The following GMDS variants were observed in gnomAD, a reference collection of about 807,000 sequenced individuals.
GMDS encodes GDP-mannose 4,6 dehydratase.
Under a neutral mutation model 49.9 loss-of-function variants are expected in GMDS, and 20 were observed. The ratio of observed to expected loss-of-function variants is 0.40; its 90% CI spans 0.28 to 0.58. GMDS has a LOEUF of 0.58. GMDS is among the 20% of genes least tolerant of loss of function. The pLI is 0.42. For missense variants in GMDS, 362 were observed against 481.4 expected, an observed-to-expected ratio of 0.75 and a Z score of 2.32; for synonymous variants, 177 against 178.6, an observed-to-expected ratio of 0.99 and a Z score of 0.07.
At chr6:1,819,443 GAT>G (rs1009545205) in intron 7 of GMDS, among the ~76,000 whole-genome samples, 40 of 152,120 alleles carry the variant, frequency 2.6e-4, no homozygotes, top group Admixed American at 1.3e-3. Context: ...CTCTTTGAAA[GAT>G]ATTTCTTTAT....
Position 1,836,583 on chromosome 6 carries a change from C to T in GMDS, c.771+93520G>A, listed in dbSNP as rs1756939232. Among the ~76,000 whole-genome samples the T allele has an allele frequency of 6.6e-6, 1 of 152,174 alleles. No individual in the cohort carries two copies. On this transcript the variant is annotated intron_variant, in intron 7 of 10. Coordinates refer to ENST00000380815, the MANE Select transcript of GMDS (RefSeq NM_001500.4). This position sits in a 1 kb window ranked among gnomAD's most constrained non-coding sequence, Gnocchi z 4.2. ...CCTTTCATTAGTATAATGACATCTA[C>T]TAACTACATCAGTTTGCAGAAAAAT...
intron 7 of GMDS, among the ~76,000 whole-genome samples, chr6:1,913,148 G>A (rs564729947): frequency 7.9e-5 from 12 of 152,056 alleles, no homozygotes; most frequent in African/African-American, 2.2e-4. Context: ...TTGGGAGGCC[G>A]AGGCGGGCGG....
chr6:2,098,967 G>A (rs73716941), intron 4 of GMDS, among the ~76,000 whole-genome samples: 14,915 of 152,002 alleles, frequency 0.098, 1,839 homozygotes, highest in African/African-American at 0.29. Context: ...AACAAAAAAG[G>A]ACGCTTTGAA....
At chr6:1,986,259 T>G (rs1295543573) in intron 4 of GMDS, among the ~76,000 whole-genome samples, 1 of 152,192 alleles carries the variant, frequency 6.6e-6, no homozygotes, top group Non-Finnish European at 1.5e-5. Context: ...CTACCTCAAA[T>G]TACTCTTGCT....
chr6:1,980,432 T>TA (rs66838040), intron 4 of GMDS, among the ~76,000 whole-genome samples: 24 of 146,916 alleles, frequency 1.6e-4, no homozygotes, highest in Non-Finnish European at 2.2e-4. Context: ...CAACAAAGAT[T>TA]AAAAAAAAAA....
chr6:2,218,762 G>T (rs2127588109), intron 1 of GMDS, among the ~76,000 whole-genome samples: 1 of 152,196 alleles, frequency 6.6e-6, no homozygotes, highest in East Asian at 1.9e-4. Flanking sequence ...TTTATTGAGA[G>T]CTATGTTACG....
intron 4 of GMDS, among the ~76,000 whole-genome samples, chr6:2,091,002 G>A (rs767706145): frequency 2.0e-5 from 3 of 152,156 alleles, no homozygotes; most frequent in Admixed American, 6.5e-5. Context: ...GGACTGCCTC[G>A]TGGGGGGAGT....
intron 7 of GMDS, among the ~76,000 whole-genome samples, chr6:1,923,355 C>T (rs7755133): frequency 0.014 from 2,182 of 152,234 alleles, 47 homozygotes; most frequent in African/African-American, 0.049. Context: ...CTCCACGTGA[C>T]GAGGCAAAGG....
intron 4 of GMDS, among the ~76,000 whole-genome samples, chr6:2,106,368 T>G (rs2127491264): frequency 6.6e-6 from 1 of 152,334 alleles, no homozygotes; most frequent in Non-Finnish European, 1.5e-5. Flanking sequence ...AAGGCAAATT[T>G]TATAAACTCC....
chr6:1,681,462 T>C (rs1436265856), intron 9 of GMDS, among the ~76,000 whole-genome samples: 1 of 152,200 alleles, frequency 6.6e-6, no homozygotes, highest in Non-Finnish European at 1.5e-5. Context: ...TAAGAAATTA[T>C]GAAAGCTCTG....
chr6:1,853,342 C>T (rs1023705322), intron 7 of GMDS, among the ~76,000 whole-genome samples: 4 of 150,566 alleles, frequency 2.7e-5, no homozygotes, highest in South Asian at 2.1e-4. Flanking sequence ...AACGGTGAAA[C>T]CCCGTCTCTA....
At position 1,635,818 on chromosome 6, in the gene GMDS, A is replaced by G. The variant is rs1763127384; in HGVS notation, c.988-11278T>C. On this transcript the variant is annotated intron_variant, in intron 9 of 10. Transcript: ENST00000380815. This position sits in a 1 kb window ranked among gnomAD's most constrained non-coding sequence, Gnocchi z 4.7. ...GAAATTACTGATTACAGCCTTGTAC[A>G]TAACCCACAGCCACTCCAGGCAAGC... Among the ~76,000 whole-genome samples the G allele has an allele frequency of 6.6e-6, 1 of 152,226 alleles. No homozygotes were observed.
Position 1,640,670 on chromosome 6 carries a change from C to A in GMDS, c.988-16130G>T, listed in dbSNP as rs1763301877. 6.6e-6 allele frequency among the ~76,000 whole-genome samples: 1 copy of A among 152,236 alleles called. No homozygotes were observed. Among genetic ancestry groups the A allele is most frequent in the Non-Finnish European group, 1.5e-5 (1 of 68,038 alleles). On this transcript the variant is annotated intron_variant, in intron 9 of 10. Transcript: ENST00000380815. The surrounding 1 kb of genome is among the most constrained non-coding windows in gnomAD (Gnocchi z 4.0). Reference sequence around the variant, plus strand: ...CATGGAATGTGCCCTTGCATCCCCACAGCGCAGGCCCAGGGCTGCCGACAC... The same window carrying A: ...CATGGAATGTGCCCTTGCATCCCCAAAGCGCAGGCCCAGGGCTGCCGACAC...
At chr6:1,662,556 G>A (rs968776193) in intron 9 of GMDS, among the ~76,000 whole-genome samples, 1 of 152,160 alleles carries the variant, frequency 6.6e-6, no homozygotes, top group Non-Finnish European at 1.5e-5. Context: ...CAGAGAGGTG[G>A]GGAGGGCCCA....
Position 1,635,469 on chromosome 6 carries a change from C to A in GMDS, c.988-10929G>T, listed in dbSNP as rs369726606. Among the ~76,000 whole-genome samples, 1 of 152,200 alleles carries A rather than the reference C, an allele frequency of 6.6e-6. No homozygotes were observed. The highest frequency in any genetic ancestry group is 6.5e-5 in the Admixed American group (1 of 15,282). On this transcript the variant is annotated intron_variant, in intron 9 of 10. Coordinates refer to ENST00000380815, the MANE Select transcript of GMDS (RefSeq NM_001500.4). This position sits in a 1 kb window ranked among gnomAD's most constrained non-coding sequence, Gnocchi z 4.7. ...ATGACATCATAAAAGCCTGATTTATCGCCGGCCACCAAACATCTAGAAAAT... is the reference window on the plus strand; with the variant it reads ...ATGACATCATAAAAGCCTGATTTATAGCCGGCCACCAAACATCTAGAAAAT...
At chr6:1,896,403 G>A (rs912901122) in intron 7 of GMDS, among the ~76,000 whole-genome samples, 1 of 152,170 alleles carries the variant, frequency 6.6e-6, no homozygotes, top group South Asian at 2.1e-4. Context: ...AGAATAACAA[G>A]AGGGAAGGAC....
intron 9 of GMDS, among the ~76,000 whole-genome samples, chr6:1,678,411 TCA>T (rs1764689825): frequency 6.6e-6 from 1 of 152,156 alleles, no homozygotes; most frequent in Non-Finnish European, 1.5e-5. Flanking sequence ...CATCGATCTC[TCA>T]GATTTGAGCA....
chr6:1,988,880 T>C (rs1382394935), intron 4 of GMDS, among the ~76,000 whole-genome samples: 1 of 150,980 alleles, frequency 6.6e-6, no homozygotes, highest in Non-Finnish European at 1.5e-5. Context: ...AAAAAAAAGC[T>C]TAAGAAAACC....
Position 2,226,289 on chromosome 6 carries a change from C to G in GMDS, c.102+19032G>C, listed in dbSNP as rs147646410. On this transcript the variant is annotated intron_variant, in intron 1 of 10. Coordinates refer to ENST00000380815, the MANE Select transcript of GMDS (RefSeq NM_001500.4). ...GTCAGAGACTCTTCTATAGTAGAGA[C>G]CCAGAATGCAGTTCACTAATTTTGA... Among the ~76,000 whole-genome samples the G allele has an allele frequency of 1.4e-4, 21 of 152,218 alleles. No homozygotes were observed. The East Asian group carries it at 3.1e-3, about 22-fold the overall frequency.
Sources: gnomAD v4.1 joint callset for allele counts (sites outside exome capture counted in the v4.1 genomes callset) on GRCh38, gnomAD v4.1.1 for gene constraint, Gnocchi (gnomAD v3.1) non-coding constraint, MANE v1.5 for transcripts, NCBI Gene and HGNC (gene_info 2026-07-23, HGNC 2026-07-21) for gene names.